Variants in FSTL5 observed in about 807,000 individuals in gnomAD.
FSTL5 encodes follistatin like 5, also known as follistatin-related protein 5.
In FSTL5, 62 loss-of-function variants were observed where a neutral mutation model predicts 89.1. The ratio of observed to expected loss-of-function variants is 0.70; its 90% confidence interval spans 0.57 to 0.86. FSTL5 has a LOEUF of 0.86. FSTL5 is among the 40% of genes least tolerant of loss of function. FSTL5 has a pLI of 0.00. For synonymous variants in FSTL5, 383 were observed against 346.2 expected (o/e 1.11, Z -1.18); for missense variants, 1,057 against 1,001.6 (o/e 1.06, Z -0.75).
chr4:161,551,374 A>G (rs1167324020), intron 8 of FSTL5, among the ~76,000 whole-genome samples: 1 of 150,792 alleles, frequency 6.6e-6, no homozygotes, highest in African/African-American at 2.4e-5. Context: ...TGGCTGCATA[A>G]ATGTCTTCTT....
At chr4:161,665,844 T>A (rs933105223) in intron 6 of FSTL5, among the ~76,000 whole-genome samples, 1 of 151,026 alleles carries the variant, frequency 6.6e-6, no homozygotes, top group Non-Finnish European at 1.5e-5. Context: ...CACTCACAGA[T>A]GCAAGGAGTG....
At chr4:162,131,228 C>G (rs920237570) in intron 1 of FSTL5, among the ~76,000 whole-genome samples, 1 of 152,138 alleles carries the variant, frequency 6.6e-6, no homozygotes, top group African/African-American at 2.4e-5. Flanking sequence ...CAGGTATTAT[C>G]TGAGTAATTT....
intron 6 of FSTL5, among the ~76,000 whole-genome samples, chr4:161,706,399 C>A (rs1461291142): frequency 6.6e-6 from 1 of 151,836 alleles, no homozygotes; most frequent in African/African-American, 2.4e-5. Flanking sequence ...AATTTATCCT[C>A]AATATTTTAA....
At chr4:161,669,515 C>A (rs1184384539) in intron 6 of FSTL5, among the ~76,000 whole-genome samples, 1 of 151,664 alleles carries the variant, frequency 6.6e-6, no homozygotes, top group African/African-American at 2.4e-5. Context: ...TGATCTCTGA[C>A]AAAGAGAAAT....
intron 15 of FSTL5, among the ~76,000 whole-genome samples, chr4:161,407,265 C>T (rs946374234): frequency 1.3e-5 from 2 of 152,166 alleles, no homozygotes; most frequent in Non-Finnish European, 2.9e-5. Flanking sequence ...CTAGCAGATA[C>T]ACTATATTAT....
chr4:162,044,664 C>T (rs952543008), intron 2 of FSTL5, among the ~76,000 whole-genome samples: 7 of 152,136 alleles, frequency 4.6e-5, no homozygotes, highest in African/African-American at 1.7e-4. Context: ...GAGGTTGTTT[C>T]GTCCAATTGA....
At chr4:161,839,521 G>C (rs1005234045) in intron 4 of FSTL5, among the ~76,000 whole-genome samples, 1 of 152,006 alleles carries the variant, frequency 6.6e-6, no homozygotes, top group Non-Finnish European at 1.5e-5. Flanking sequence ...TAAAACCTAC[G>C]GAAGCACTCA....
At chr4:161,869,308 A>G (rs1468258420) in intron 4 of FSTL5, among the ~76,000 whole-genome samples, 1 of 152,236 alleles carries the variant, frequency 6.6e-6, no homozygotes, top group Non-Finnish European at 1.5e-5. Flanking sequence ...GTGGGTGATA[A>G]TAACTATTAA....
intron 4 of FSTL5, among the ~76,000 whole-genome samples, chr4:161,884,424 G>T (rs1428163965): frequency 6.6e-6 from 1 of 152,122 alleles, no homozygotes; most frequent in Non-Finnish European, 1.5e-5. Context: ...AATACTGCAA[G>T]TATTAAAAGG....
chr4:161,814,575 T>A (rs1183028787), intron 4 of FSTL5, among the ~76,000 whole-genome samples: 1 of 152,166 alleles, frequency 6.6e-6, no homozygotes, highest in Non-Finnish European at 1.5e-5. Flanking sequence ...CTTTAGGCTG[T>A]GATGGACTCC....
At chr4:162,097,220 T>C (rs1335612366) in intron 2 of FSTL5, among the ~76,000 whole-genome samples, 1 of 151,838 alleles carries the variant, frequency 6.6e-6, no homozygotes, top group South Asian at 2.1e-4. Flanking sequence ...GTGTAACTGA[T>C]TATCCTTAGT....
At chr4:162,066,299 T>TTTCTTCTTC (rs1222795843) in intron 2 of FSTL5, among the ~76,000 whole-genome samples, 1 of 70,156 alleles carries the variant, frequency 1.4e-5, no homozygotes, top group Non-Finnish European at 3.0e-5. Flanking sequence ...TCCTCCTACT[T>TTTCTTCTTC]TTCTTCTTCT....
chr4:161,779,799 A>ATG (rs1553965262), intron 4 of FSTL5, among the ~76,000 whole-genome samples: 1,022 of 39,914 alleles, frequency 0.026, 62 homozygotes, highest in South Asian at 0.11. Context: ...ATATATATAT[A>ATG]TATATATATA....
intron 2 of FSTL5, among the ~76,000 whole-genome samples, chr4:162,042,697 G>T (rs1480696438): frequency 6.6e-6 from 1 of 151,728 alleles, no homozygotes; most frequent in African/African-American, 2.4e-5. Context: ...TAATAAATTA[G>T]AAACATTTAT....
At chr4:161,419,338 C>A (rs767126221) in intron 15 of FSTL5, among the ~76,000 whole-genome samples, 5 of 151,890 alleles carry the variant, frequency 3.3e-5, no homozygotes, top group Admixed American at 6.6e-5. Flanking sequence ...GATTTTCCTA[C>A]CAATTACATA....
chr4:162,162,846 G>T (rs759832730), intron 1 of FSTL5, among the ~76,000 whole-genome samples: 1 of 152,106 alleles, frequency 6.6e-6, no homozygotes, highest in Non-Finnish European at 1.5e-5. Context: ...CAGCACAAGC[G>T]ACTATAATAC....
intron 4 of FSTL5, among the ~76,000 whole-genome samples, chr4:161,855,221 C>A (rs1731686277): frequency 1.3e-5 from 2 of 152,056 alleles, no homozygotes; most frequent in South Asian, 4.1e-4. Context: ...GTTTTATGCT[C>A]TGGGCTGTGT....
At chr4:161,407,425 G>T (rs1372729604) in intron 15 of FSTL5, among the ~76,000 whole-genome samples, 3 of 152,158 alleles carry the variant, frequency 2.0e-5, no homozygotes, top group African/African-American at 4.8e-5. Flanking sequence ...CCTGAAGAGG[G>T]AGGAGGCTAG....
At chr4:161,646,850 T>C (rs1416917520) in intron 7 of FSTL5, among the ~76,000 whole-genome samples, 2 of 152,150 alleles carry the variant, frequency 1.3e-5, no homozygotes, top group African/African-American at 4.8e-5. Flanking sequence ...ATTATTACTA[T>C]TTTTATTTGT....
Sources: gnomAD v4.1 joint callset for allele counts (sites outside exome capture counted in the v4.1 genomes callset) on GRCh38, gnomAD v4.1.1 for gene constraint, MANE v1.5 for transcripts, NCBI Gene and HGNC (gene_info 2026-07-23, HGNC 2026-07-21) for gene names.